The following PPARA variants were observed in gnomAD, a reference collection of about 807,000 sequenced individuals.
PPARA encodes the protein peroxisome proliferator activated receptor alpha.
A neutral mutation model predicts 42.2 loss-of-function variants in PPARA; 22 were observed. The ratio of observed to expected loss-of-function variants is 0.52; its 90% CI spans 0.37 to 0.74. The LOEUF is 0.74. Ranked by LOEUF, PPARA falls within the 30% of genes least tolerant of loss-of-function variation. The pLI, the probability that PPARA is intolerant of heterozygous loss-of-function variation, is 0.00. For synonymous variants in PPARA, 242 were observed against 239.3 expected (o/e 1.01, Z -0.10); for missense variants, 465 against 608.2 (o/e 0.76, Z 2.48).
At position 46,239,398 on chromosome 22, in the gene PPARA, A is replaced by G. The variant is rs966919157; in HGVS notation, c.*4018A>G. 1.3e-5 allele frequency: 2 copies of G among 151,614 alleles called. No homozygotes were observed. The highest frequency in any genetic ancestry group is 4.9e-5 in the African/African-American group (2 of 41,178). The allele number at this position is 151,614 out of a possible 1,614,324, so 9.4% of individuals were successfully genotyped here. A position where few individuals can be genotyped will look rare whatever the true frequency, so the allele number is the denominator to read the frequency against. ...CCTGCAAAAGGCCATGCTAGAGCTG[A>G]GGCGCACAGCCTGTGGCCTCTGTAG... On this transcript the variant is annotated 3_prime_UTR_variant, in exon 9 of 9. Transcript: ENST00000407236.
chr22:46,229,955 A>C (rs1429493787), intron 7 of PPARA, among the ~76,000 whole-genome samples: 2 of 152,216 alleles, frequency 1.3e-5, no homozygotes, highest in Non-Finnish European at 2.9e-5. Flanking sequence ...AGAAACAGGA[A>C]ACACTTCAGG....
rs140454958 is a variant in PPARA at position 46,238,536 on chromosome 22, T to C, written c.*3156T>C. 3 of 152,344 alleles carry C rather than the reference T, an allele frequency of 2.0e-5. No homozygotes were observed. Among genetic ancestry groups the C allele is most frequent in the Non-Finnish European group, 2.9e-5 (2 of 68,034 alleles). The allele number at this position is 152,344 out of a possible 1,614,324, so 9.4% of individuals were successfully genotyped here. ...ATTTACCCACTCTTCAACAAGTCAT[T>C]GTTTAAACACGGTTTTTCATTTTCT... On this transcript the variant is annotated 3_prime_UTR_variant, in exon 9 of 9. Coordinates refer to ENST00000407236, the MANE Select transcript of PPARA (RefSeq NM_005036.6). The surrounding 1 kb of genome is among the most constrained non-coding windows in gnomAD (Gnocchi z 8.3).
At chr22:46,215,042 C>T in intron 4 of PPARA, 131 bp from the exon 5 acceptor site, 3 of 1,127,922 alleles carry the variant, frequency 2.7e-6, no homozygotes, top group African/African-American at 1.5e-5. Context: ...GGCCCGGCCC[C>T]GCATGGGTGT....
At chr22:46,223,642 CA>C (rs56992283) in intron 7 of PPARA, among the ~76,000 whole-genome samples, 26,176 of 102,454 alleles carry the variant, frequency 0.26, 2,660 homozygotes, top group African/African-American at 0.33. Flanking sequence ...GACTCCATCT[CA>C]AAAAAAAAAA....
intron 7 of PPARA, 93 bp downstream of exon 7, chr22:46,220,107 A>T: frequency 7.2e-7 from 1 of 1,386,950 alleles, no homozygotes; most frequent in South Asian, 1.2e-5. Flanking sequence ...TGTTGAGAAA[A>T]TTATATTTAT....
rs1031072233 is a variant in PPARA at position 46,236,420 on chromosome 22, T to C, written c.*1040T>C. ...TCAAGACCCCCGCTCTGGACTGTCA[T>C]AAGCTAGCACCCGTGGTAAGCGGGA... On this transcript the variant is annotated 3_prime_UTR_variant, in exon 9 of 9. Coordinates refer to ENST00000407236, the MANE Select transcript of PPARA (RefSeq NM_005036.6). The surrounding 1 kb of genome is among the most constrained non-coding windows in gnomAD (Gnocchi z 5.2). 1 of 152,640 alleles carries C rather than the reference T, an allele frequency of 6.6e-6. No individual in the cohort carries two copies. The highest frequency in any genetic ancestry group is 2.4e-5 in the African/African-American group (1 of 41,424). The allele number at this position is 152,640 out of a possible 1,614,324, so 9.5% of individuals were successfully genotyped here. A position where few individuals can be genotyped will look rare whatever the true frequency, so the allele number is the denominator to read the frequency against.
Position 46,243,025 on chromosome 22 carries a change from G to A in PPARA, c.*7645G>A, listed in dbSNP as rs150821587. 3 of 152,614 alleles carry A rather than the reference G, an allele frequency of 2.0e-5. No individual in the cohort carries two copies. Among genetic ancestry groups the A allele is most frequent in the Admixed American group, 6.5e-5 (1 of 15,268 alleles). The allele number at this position is 152,614 out of a possible 1,614,324, so 9.5% of individuals were successfully genotyped here. A position where few individuals can be genotyped will look rare whatever the true frequency, so the allele number is the denominator to read the frequency against. On this transcript the variant is annotated 3_prime_UTR_variant, in exon 9 of 9. Transcript: ENST00000407236. This position sits in a 1 kb window ranked among gnomAD's most constrained non-coding sequence, Gnocchi z 5.0. ...TATTACCAAAGAACGCTGGCAATTG[G>A]AAATGTCCTGATGGAAATTCTTTGC...
chr22:46,197,463 G>C (rs1360532411), intron 3 of PPARA, among the ~76,000 whole-genome samples: 1 of 152,214 alleles, frequency 6.6e-6, no homozygotes, highest in Non-Finnish European at 1.5e-5. Context: ...GTGGGCTATG[G>C]CTCCTTCAAC....
At chr22:46,159,648 C>G (rs141693412) in intron 2 of PPARA, among the ~76,000 whole-genome samples, 26 of 152,230 alleles carry the variant, frequency 1.7e-4, no homozygotes, top group Admixed American at 1.1e-3. Flanking sequence ...TAAAAAGAAG[C>G]CTAGTCTAGT....
At position 46,182,461 on chromosome 22, in the gene PPARA, G is replaced by A. The variant is rs1311695171; in HGVS notation, c.-43+5625G>A. On this transcript the variant is annotated intron_variant, in intron 3 of 8. Coordinates refer to ENST00000407236, the MANE Select transcript of PPARA (RefSeq NM_005036.6). This position sits in a 1 kb window ranked among gnomAD's most constrained non-coding sequence, Gnocchi z 5.2. Reference sequence around the variant, plus strand: ...GAGTAAAAGAAGACAGGAAAAATAAGTATAATACATACTGCTTGATTCTAT... The same window carrying A: ...GAGTAAAAGAAGACAGGAAAAATAAATATAATACATACTGCTTGATTCTAT... Among the ~76,000 whole-genome samples, 1 of 152,172 alleles carries A rather than the reference G, an allele frequency of 6.6e-6. No individual in the cohort carries two copies. Among genetic ancestry groups the A allele is most frequent in the Non-Finnish European group, 1.5e-5 (1 of 68,028 alleles).
chr22:46,235,388 C>T lies in PPARA; in HGVS notation c.*8C>T, dbSNP rs1444927174. On this transcript the variant is annotated 3_prime_UTR_variant, in exon 9 of 9. Coordinates refer to ENST00000407236, the MANE Select transcript of PPARA (RefSeq NM_005036.6). The surrounding 1 kb of genome is among the most constrained non-coding windows in gnomAD (Gnocchi z 7.0). ...TACAGGGACATGTACTGAGTTCCTTCAGATCAGCCACACCTTTTCCAGGAG... is the reference window on the plus strand; with the variant it reads ...TACAGGGACATGTACTGAGTTCCTTTAGATCAGCCACACCTTTTCCAGGAG... The T allele has an allele frequency of 1.2e-6, 2 of 1,612,900 alleles. No homozygotes were observed. The highest frequency in any genetic ancestry group is 2.7e-5 in the African/African-American group (2 of 74,918).
At position 46,219,726 on chromosome 22, in the gene PPARA, A is replaced by G; in HGVS notation, c.509-86A>G. 1 of 1,348,730 alleles carries G rather than the reference A, an allele frequency of 7.4e-7. No individual in the cohort carries two copies. Among genetic ancestry groups the G allele is most frequent in the Middle Eastern group, 1.8e-4 (1 of 5,576 alleles). 83.5% of individuals were successfully genotyped at this position (1,348,730 alleles called of 1,614,324 possible). On this transcript the variant is annotated intron_variant, in intron 6 of 8. Coordinates refer to ENST00000407236, the MANE Select transcript of PPARA (RefSeq NM_005036.6). This position sits in a 1 kb window ranked among gnomAD's most constrained non-coding sequence, Gnocchi z 4.8. ...CCTGTGAATTTTCATTCCTGGTTTA[A>G]AGTCCTGGGGGAGCCCCTCGTCCAG...
chr22:46,234,008 A>C lies in PPARA; in HGVS notation c.1160-1125A>C, dbSNP rs1476437435. 6.6e-6 allele frequency among the ~76,000 whole-genome samples: 1 copy of C among 151,954 alleles called. No individual in the cohort carries two copies. The highest frequency in any genetic ancestry group is 1.5e-5 in the Non-Finnish European group (1 of 67,960). ...CTGGCTAATTTTTGTATTTTTAGTAAAGATGGGGTTTCACCATATTGGCCA... is the reference window on the plus strand; with the variant it reads ...CTGGCTAATTTTTGTATTTTTAGTACAGATGGGGTTTCACCATATTGGCCA... On this transcript the variant is annotated intron_variant, in intron 8 of 8. Transcript: ENST00000407236. This position sits in a 1 kb window ranked among gnomAD's most constrained non-coding sequence, Gnocchi z 5.8.
chr22:46,170,147 C>G (rs1927766300), intron 2 of PPARA, among the ~76,000 whole-genome samples: 1 of 151,636 alleles, frequency 6.6e-6, no homozygotes, highest in South Asian at 2.1e-4. Flanking sequence ...GTTCTGCAAC[C>G]AGTCTTGTCC....
rs552533545 is a variant in PPARA, at chr22:46,205,519, CATATATATATATATATATATATAT to C, written c.208+6941_208+6964del. On this transcript the variant is annotated intron_variant, in intron 4 of 8. Coordinates refer to ENST00000407236, the MANE Select transcript of PPARA (RefSeq NM_005036.6). ...ACAGGCGTGAGCCACCATGCCCAGC[CATATATATATATATATATATATAT>C]ATATATATATATTTTTTTTTTTTTT... Among the ~76,000 whole-genome samples the C allele has an allele frequency of 3.4e-3, 118 of 34,434 alleles. 3 individuals are homozygous for C. Among genetic ancestry groups the C allele is most frequent in the African/African-American group, 0.013 (113 of 8,396 alleles). 22.6% of individuals were successfully genotyped at this position (34,434 alleles called of 152,430 possible).
chr22:46,223,812 T>C (rs562715411), intron 7 of PPARA, among the ~76,000 whole-genome samples: 1 of 151,176 alleles, frequency 6.6e-6, no homozygotes, highest in Admixed American at 6.6e-5. Context: ...TAGCCGGGCA[T>C]GGCAGTGTGC....
chr22:46,208,500 A>G (rs55688271), intron 4 of PPARA, among the ~76,000 whole-genome samples: 30,429 of 151,080 alleles, frequency 0.2, 3,633 homozygotes, highest in Middle Eastern at 0.29. Flanking sequence ...GTGAGCCAAG[A>G]TCATGCTACT....
chr22:46,169,217 A>G (rs1373234102), intron 2 of PPARA, among the ~76,000 whole-genome samples: 2 of 151,960 alleles, frequency 1.3e-5, no homozygotes, highest in East Asian at 1.9e-4. Context: ...TTGGCTCATC[A>G]GTGGCAACAA....
intron 2 of PPARA, among the ~76,000 whole-genome samples, chr22:46,166,602 A>T (rs1199023195): frequency 6.6e-6 from 1 of 150,378 alleles, no homozygotes; most frequent in Non-Finnish European, 1.5e-5. Flanking sequence ...TGGGTGACAG[A>T]GCAAGACTAC....
Sources: gnomAD v4.1 joint callset for allele counts (sites outside exome capture counted in the v4.1 genomes callset) on GRCh38, gnomAD v4.1.1 for gene constraint, Gnocchi (gnomAD v3.1) non-coding constraint, MANE v1.5 for transcripts, NCBI Gene and HGNC (gene_info 2026-07-23, HGNC 2026-07-21) for gene names.